The following RCAN2 variants were observed in gnomAD, a reference collection of about 807,000 sequenced individuals.
RCAN2 encodes the protein calcipressin-2.
RCAN2 carries 9 observed loss-of-function variants against 23.6 expected under a neutral mutation model. The observed-to-expected ratio is 0.38, with a 90% confidence interval of 0.23 to 0.67. The LOEUF is 0.67. Among genes scored for constraint, RCAN2 ranks in the 30% least tolerant of loss-of-function variants. RCAN2 has a pLI of 0.51. For missense variants in RCAN2, 273 were observed against 302.3 expected (o/e 0.90, Z 0.72); for synonymous variants, 109 against 115.7 (o/e 0.94, Z 0.37).
chr6:46,248,418 C>G (rs985028141), intron 3 of RCAN2, among the ~76,000 whole-genome samples: 2 of 152,136 alleles, frequency 1.3e-5, no homozygotes, highest in Non-Finnish European at 2.9e-5. Context: ...GGCACTTAAA[C>G]ACACAATAAT....
rs5875965 is a variant in RCAN2 at position 46,459,380 on chromosome 6, AT to A, written c.-2-2403del. 6.8e-4 allele frequency among the ~76,000 whole-genome samples: 104 copies of A among 152,370 alleles called. 2 individuals carry two copies. In the South Asian group the frequency reaches 0.011, roughly 16 times the overall value. ...TTCAATTATTATTTTTCCAAAAAAA[AT>A]CTAAAATCCATTGCCGAACAAATTA... On this transcript the variant is annotated intron_variant, in intron 1 of 4. Coordinates refer to ENST00000371374, the MANE Select transcript of RCAN2 (RefSeq NM_001251974.2).
chr6:46,284,408 T>A (rs1427603419), intron 2 of RCAN2, among the ~76,000 whole-genome samples: 1 of 152,144 alleles, frequency 6.6e-6, no homozygotes, highest in Non-Finnish European at 1.5e-5. Context: ...AAGGGGGAGA[T>A]AATGTCATGA....
rs17216485 is a variant in RCAN2, at chr6:46,310,159, C to G, written c.226-61263G>C. On this transcript the variant is annotated intron_variant, in intron 2 of 4. Transcript: ENST00000371374. ...TGAATTTTCACTAAGTAGAAAAGAC[C>G]TGAAGAGATTTGGTTTTGCTTAAAT... 5.3e-3 allele frequency among the ~76,000 whole-genome samples: 802 copies of G among 152,078 alleles called. 8 individuals carry two copies. Among genetic ancestry groups the G allele is most frequent in the Non-Finnish European group, 8.3e-3 (563 of 67,984 alleles).
intron 1 of RCAN2, among the ~76,000 whole-genome samples, chr6:46,473,327 T>TACAGA (rs1416922163): frequency 1.3e-5 from 2 of 152,126 alleles, no homozygotes; most frequent in Non-Finnish European, 2.9e-5. Context: ...AAGAATGGCA[T>TACAGA]CACACACATA....
chr6:46,447,543 T>C (rs1767751270), intron 2 of RCAN2, among the ~76,000 whole-genome samples: 1 of 151,964 alleles, frequency 6.6e-6, no homozygotes, highest in African/African-American at 2.4e-5. Flanking sequence ...GCAGGATATA[T>C]ATACATTCTT....
At chr6:46,351,435 G>C (rs895489705) in intron 2 of RCAN2, among the ~76,000 whole-genome samples, 25 of 152,202 alleles carry the variant, frequency 1.6e-4, no homozygotes, top group Non-Finnish European at 3.1e-4. Context: ...AGGATAGCTA[G>C]TGTGGATGTT....
intron 2 of RCAN2, among the ~76,000 whole-genome samples, chr6:46,280,389 T>C (rs1767865390): frequency 6.6e-6 from 1 of 152,168 alleles, no homozygotes; most frequent in Non-Finnish European, 1.5e-5. Context: ...ACATTGAACC[T>C]TTGCAAGATG....
At chr6:46,347,766 C>G (rs1764531779) in intron 2 of RCAN2, among the ~76,000 whole-genome samples, 1 of 151,944 alleles carries the variant, frequency 6.6e-6, no homozygotes, top group Admixed American at 6.6e-5. Context: ...AACAAACAAA[C>G]AAACAAAAAA....
At chr6:46,292,257 C>G (rs1312803764) in intron 2 of RCAN2, among the ~76,000 whole-genome samples, 1 of 152,054 alleles carries the variant, frequency 6.6e-6, no homozygotes, top group Non-Finnish European at 1.5e-5. Context: ...AGTTGGCCCC[C>G]AAATTAAGCA....
At chr6:46,236,368 A>C (rs1057177476) in intron 4 of RCAN2, among the ~76,000 whole-genome samples, 4 of 151,426 alleles carry the variant, frequency 2.6e-5, no homozygotes, top group Non-Finnish European at 5.9e-5. Context: ...CCTCTTTCCT[A>C]ACCTTTTCTA....
chr6:46,325,698 T>A (rs1763775044), intron 2 of RCAN2: 1 of 1,360,572 alleles, frequency 7.3e-7, no homozygotes, highest in Admixed American at 3.3e-5. Context: ...CTCATGGCAA[T>A]GACATCACCA....
intron 2 of RCAN2, among the ~76,000 whole-genome samples, chr6:46,440,117 T>C (rs1046806062): frequency 2.0e-5 from 3 of 152,244 alleles, no homozygotes; most frequent in Non-Finnish European, 4.4e-5. Context: ...CCTTCAGAGT[T>C]CAAAATCAGA....
At position 46,221,306 on chromosome 6, in the gene RCAN2, A is replaced by C. The variant is rs1765469641; in HGVS notation, c.*1835T>G. 6.5e-6 allele frequency: 1 copy of C among 152,678 alleles called. No individual in the cohort carries two copies. The highest frequency in any genetic ancestry group is 2.4e-5 in the African/African-American group (1 of 41,464). The allele number at this position is 152,678 out of a possible 1,614,324, so 9.5% of individuals were successfully genotyped here. A position where few individuals can be genotyped will look rare whatever the true frequency, so the allele number is the denominator to read the frequency against. ...GACCCACAGATGATTGAGAAGAGTC[A>C]GCTTTGAAAGGCTGGATGCTGCAGT... On this transcript the variant is annotated 3_prime_UTR_variant, in exon 5 of 5. Coordinates refer to ENST00000371374, the MANE Select transcript of RCAN2 (RefSeq NM_001251974.2).
intron 2 of RCAN2, among the ~76,000 whole-genome samples, chr6:46,315,617 G>T (rs1233627887): frequency 6.6e-6 from 1 of 152,184 alleles, no homozygotes; most frequent in Non-Finnish European, 1.5e-5. Context: ...GGCAAGGTCT[G>T]ATGGGCCTTG....
At chr6:46,411,561 A>C (rs985157902) in intron 2 of RCAN2, among the ~76,000 whole-genome samples, 2 of 152,198 alleles carry the variant, frequency 1.3e-5, no homozygotes, top group African/African-American at 4.8e-5. Context: ...AAAACAGTAC[A>C]GACAAAGTTC....
intron 2 of RCAN2, among the ~76,000 whole-genome samples, chr6:46,409,256 G>T (rs922676220): frequency 1.3e-5 from 2 of 151,838 alleles, no homozygotes; most frequent in Admixed American, 1.3e-4. Context: ...ATATATGAAA[G>T]CAATAACTAA....
intron 2 of RCAN2, among the ~76,000 whole-genome samples, chr6:46,368,586 C>A (rs1181144105): frequency 6.6e-6 from 1 of 152,162 alleles, no homozygotes; most frequent in Non-Finnish European, 1.5e-5. Context: ...AAGCTACAAA[C>A]CTGTGTGGCA....
At chr6:46,394,984 T>C (rs2150400081) in intron 2 of RCAN2, among the ~76,000 whole-genome samples, 1 of 152,250 alleles carries the variant, frequency 6.6e-6, no homozygotes, top group East Asian at 1.9e-4. Context: ...CACTACAAGA[T>C]TTTCAGCATT....
At chr6:46,331,021 C>T (rs1399911731) in intron 2 of RCAN2, among the ~76,000 whole-genome samples, 1 of 152,122 alleles carries the variant, frequency 6.6e-6, no homozygotes, top group Non-Finnish European at 1.5e-5. Context: ...ATGCTCAATG[C>T]CTAGGTGCGT....
Sources: gnomAD v4.1 joint callset for allele counts (sites outside exome capture counted in the v4.1 genomes callset) on GRCh38, gnomAD v4.1.1 for gene constraint, MANE v1.5 for transcripts, NCBI Gene and HGNC (gene_info 2026-07-23, HGNC 2026-07-21) for gene names.